The following FBXW8 variants were observed in gnomAD, a reference collection of about 807,000 sequenced individuals.
FBXW8 encodes F-box and WD repeat domain containing 8.
In FBXW8, 57 loss-of-function variants were observed where a neutral mutation model predicts 65.3. The observed-to-expected ratio is 0.87, with a 90% CI of 0.71 to 1.09. The LOEUF (loss-of-function observed/expected upper bound fraction) is 1.09. Ranked by LOEUF, FBXW8 falls within the 50% of genes least tolerant of loss-of-function variation. FBXW8 has a pLI of 0.00. For synonymous variants in FBXW8, 308 were observed against 330.2 expected (o/e 0.93, Z 0.73); for missense variants, 777 against 814.8 (o/e 0.95, Z 0.57).
chr12:117,024,392 C>G (rs1954177515), intron 9 of FBXW8, 72 bp downstream of exon 9: 14 of 1,565,126 alleles, frequency 8.9e-6, no homozygotes, highest in Non-Finnish European at 1.2e-5. Flanking sequence ...CAGCCTGCAC[C>G]AGGCACGGTG....
chr12:117,003,368 C>T (rs186366060), intron 7 of FBXW8, among the ~76,000 whole-genome samples: 1 of 152,312 alleles, frequency 6.6e-6, no homozygotes, highest in African/African-American at 2.4e-5. Context: ...GGGGGGCGCA[C>T]CCTGGGCATC....
chr12:117,009,512 A>G (rs1953754460), intron 7 of FBXW8, among the ~76,000 whole-genome samples: 1 of 152,238 alleles, frequency 6.6e-6, no homozygotes, highest in Non-Finnish European at 1.5e-5. Flanking sequence ...GTTAATGAGG[A>G]GCCTTCTGAA....
intron 3 of FBXW8, among the ~76,000 whole-genome samples, chr12:116,947,455 A>G (rs1211699880): frequency 6.6e-6 from 1 of 152,182 alleles, no homozygotes; most frequent in East Asian, 1.9e-4. Context: ...CCTTATCAAA[A>G]CATGAAAGGC....
intron 1 of FBXW8, among the ~76,000 whole-genome samples, chr12:116,925,092 T>A (rs1881216192): frequency 6.6e-6 from 1 of 151,954 alleles, no homozygotes; most frequent in Admixed American, 6.6e-5. Flanking sequence ...AAAAAAAGAT[T>A]GAACTTTTCA....
intron 9 of FBXW8, 21 bp downstream of exon 9, chr12:117,024,341 T>A (rs1473260737): frequency 6.2e-7 from 1 of 1,613,278 alleles, no homozygotes; most frequent in Non-Finnish European, 8.5e-7. Context: ...TTCTAGACAC[T>A]CTTGGGAGTT....
rs548755955 is a variant in FBXW8 at position 116,985,234 on chromosome 12, C to T, written c.864C>T (p.Thr288=). Residue 288 remains threonine, a synonymous_variant, in exon 6 of 11, where the codon ACC becomes ACT. Coordinates refer to ENST00000652555, the MANE Select transcript of FBXW8 (RefSeq NM_153348.3). Reference sequence around the variant, plus strand: ...TTCTTAATATTTGGGATTTAAGGACCGGAAAGTACCCTGTTCATCGTTTTG... The same window carrying T: ...TTCTTAATATTTGGGATTTAAGGACTGGAAAGTACCCTGTTCATCGTTTTG... ...DGFLNIWDLR[T]GKYPVHRFEH... is the part of the protein sequence containing the mutation. 3.7e-6 allele frequency: 6 copies of T among 1,607,706 alleles called. No individual in the cohort carries two copies. Among genetic ancestry groups the T allele is most frequent in the South Asian group, 1.1e-5 (1 of 89,152 alleles).
chr12:116,999,418 G>A (rs958693266), intron 7 of FBXW8, among the ~76,000 whole-genome samples: 7 of 152,184 alleles, frequency 4.6e-5, no homozygotes, highest in African/African-American at 1.4e-4. Flanking sequence ...CATCTGGCCC[G>A]GGTGGCTTCT....
At position 117,028,937 on chromosome 12, in the gene FBXW8, T is replaced by C. The variant is rs1954299850; in HGVS notation, c.*765T>C. 1 of 152,252 alleles carries C rather than the reference T, an allele frequency of 6.6e-6. No homozygotes were observed. The highest frequency in any genetic ancestry group is 2.1e-4 in the South Asian group (1 of 4,834). 9.4% of individuals were successfully genotyped at this position (152,252 alleles called of 1,614,324 possible). A position where few individuals can be genotyped will look rare whatever the true frequency, so the allele number is the denominator to read the frequency against. ...CTGGAAGCAAGCCATTGCCTTACTC[T>C]TGATTTTCAACAGTTCTAAACAGCA... On this transcript the variant is annotated 3_prime_UTR_variant, in exon 11 of 11. Transcript: ENST00000652555. The surrounding 1 kb of genome is among the most constrained non-coding windows in gnomAD (Gnocchi z 4.1).
chr12:117,000,209 C>T (rs1384928971), intron 7 of FBXW8, among the ~76,000 whole-genome samples: 1 of 152,182 alleles, frequency 6.6e-6, no homozygotes, highest in African/African-American at 2.4e-5. Context: ...ATCTCCTGAC[C>T]TCATGATCCG....
intron 8 of FBXW8, among the ~76,000 whole-genome samples, chr12:117,022,409 C>G (rs1954120980): frequency 6.7e-6 from 1 of 149,816 alleles, no homozygotes; most frequent in Non-Finnish European, 1.5e-5. Flanking sequence ...AATCCCGGCA[C>G]TTTAGGAGGC....
intron 1 of FBXW8, among the ~76,000 whole-genome samples, chr12:116,914,682 C>T (rs1880259408): frequency 6.6e-6 from 1 of 151,676 alleles, no homozygotes; most frequent in Non-Finnish European, 1.5e-5. Flanking sequence ...TCGAGACCAG[C>T]CTAACCAACA....
chr12:116,959,032 G>C (rs1883822891), intron 4 of FBXW8, among the ~76,000 whole-genome samples: 1 of 152,176 alleles, frequency 6.6e-6, no homozygotes, highest in Non-Finnish European at 1.5e-5. Context: ...CTGTGACTTG[G>C]TTTGGGAGTG....
chr12:116,918,545 TG>T (rs1347489104), intron 1 of FBXW8, among the ~76,000 whole-genome samples: 1 of 152,214 alleles, frequency 6.6e-6, no homozygotes, highest in African/African-American at 2.4e-5. Context: ...GCTTTCCTCT[TG>T]GGGAAAAATG....
At chr12:116,931,901 G>A (rs1362402810) in intron 2 of FBXW8, among the ~76,000 whole-genome samples, 2 of 152,174 alleles carry the variant, frequency 1.3e-5, no homozygotes, top group Middle Eastern at 3.4e-3. Context: ...AATGGAAATG[G>A]TGAGAGTGTG....
At chr12:116,964,548 T>C in intron 4 of FBXW8, 149 bp from the exon 5 acceptor site, 1 of 765,954 alleles carries the variant, frequency 1.3e-6, no homozygotes, top group Non-Finnish European at 2.2e-6. Context: ...TTTTCTCCTG[T>C]TGGAGTCACT....
intron 5 of FBXW8, among the ~76,000 whole-genome samples, chr12:116,969,124 T>C (rs1884498173): frequency 6.6e-6 from 1 of 152,198 alleles, no homozygotes; most frequent in South Asian, 2.1e-4. Context: ...GTCAGTCTTG[T>C]CCTTTGGGGT....
chr12:117,008,267 G>T (rs1953724848), intron 7 of FBXW8, among the ~76,000 whole-genome samples: 1 of 152,166 alleles, frequency 6.6e-6, no homozygotes, highest in South Asian at 2.1e-4. Flanking sequence ...ACTTGAAAGT[G>T]GATGCAGAAT....
At chr12:117,022,219 C>CT (rs1173430687) in intron 8 of FBXW8, among the ~76,000 whole-genome samples, 1 of 152,120 alleles carries the variant, frequency 6.6e-6, no homozygotes, top group Non-Finnish European at 1.5e-5. Context: ...GATTTTCTGT[C>CT]TCCTGGGGAT....
chr12:116,976,896 G>T (rs2137419271), intron 5 of FBXW8, among the ~76,000 whole-genome samples: 1 of 152,166 alleles, frequency 6.6e-6, no homozygotes, highest in Middle Eastern at 3.4e-3. Flanking sequence ...AATCATTTCA[G>T]GGGGTAATCA....
Sources: gnomAD v4.1 joint callset for allele counts (sites outside exome capture counted in the v4.1 genomes callset) on GRCh38, gnomAD v4.1.1 for gene constraint, Gnocchi (gnomAD v3.1) non-coding constraint, MANE v1.5 for transcripts, NCBI Gene and HGNC (gene_info 2026-07-23, HGNC 2026-07-21) for gene names.